Variants in RFTN1 observed in about 807,000 individuals in gnomAD.
RFTN1 encodes raftlin, lipid raft linker 1, also known as raftlin.
RFTN1 carries 26 observed loss-of-function variants against 46.5 expected under a neutral mutation model. The observed-to-expected ratio is 0.56, with a 90% CI of 0.41 to 0.78. RFTN1 has a LOEUF of 0.78. RFTN1 is among the 30% of genes least tolerant of loss of function. The pLI, the probability that RFTN1 is intolerant of heterozygous loss-of-function variation, is 0.00. For missense variants in RFTN1, 693 were observed against 718.7 expected (o/e 0.96, Z 0.41); for synonymous variants, 261 against 284.2 (o/e 0.92, Z 0.82).
At position 16,409,229 on chromosome 3, in the gene RFTN1, T is replaced by TTCCCTGTGGGGCTGCC. The variant is rs2074931272; in HGVS notation, c.441+130_441+145dup. On this transcript the variant is annotated intron_variant, in intron 4 of 9. Transcript: ENST00000334133. The stretch of plus-strand genomic sequence containing the variant: ...CAGAGTCAGCTCTGGAGGGGGCTGC[T>TTCCCTGTGGGGCTGCC]TCCCTGTGGGGCTGCCAAAGGTTTA... The TTCCCTGTGGGGCTGCC allele has an allele frequency of 5.1e-5, 29 of 566,902 alleles. 1 individual carries two copies. The South Asian group carries it at 6.1e-4, about 12-fold the overall frequency. The allele number at this position is 566,902 out of a possible 1,614,324, so 35.1% of individuals were successfully genotyped here. A position where few individuals can be genotyped will look rare whatever the true frequency, so the allele number is the denominator to read the frequency against.
At chr3:16,508,845 A>C (rs2125015361) in intron 1 of RFTN1, among the ~76,000 whole-genome samples, 2 of 151,844 alleles carry the variant, frequency 1.3e-5, no homozygotes, top group East Asian at 3.9e-4. Context: ...AAAAAAAAAC[A>C]CCACAGAGCA....
At position 16,442,569 on chromosome 3, in the gene RFTN1, G is replaced by C. The variant is rs1375970922; in HGVS notation, c.146-8532C>G. 6.6e-6 allele frequency among the ~76,000 whole-genome samples: 1 copy of C among 152,054 alleles called. No individual in the cohort carries two copies. Among genetic ancestry groups the C allele is most frequent in the African/African-American group, 2.4e-5 (1 of 41,390 alleles). On this transcript the variant is annotated intron_variant, in intron 2 of 9. Coordinates refer to ENST00000334133, the MANE Select transcript of RFTN1 (RefSeq NM_015150.2). This position sits in a 1 kb window ranked among gnomAD's most constrained non-coding sequence, Gnocchi z 4.1. Reference sequence around the variant, plus strand: ...ACATAACCATCATCTCACATAGTTAGTTTTCTTTTTTGTGCGTGGTAAGAG... The same window carrying C: ...ACATAACCATCATCTCACATAGTTACTTTTCTTTTTTGTGCGTGGTAAGAG...
rs543730258 is a variant in RFTN1 at position 16,333,546 on chromosome 3, A to G, written c.1147-6670T>C. 6.4e-4 allele frequency among the ~76,000 whole-genome samples: 98 copies of G among 152,318 alleles called. 4 individuals are homozygous for G. In the South Asian group the frequency reaches 0.014, roughly 22 times the overall value. ...GAAAAGAAATAGATGCCTGTGTCCA[A>G]TCCCCCTCATTTAATAAAATGTTAT... is the stretch of plus-strand genomic sequence containing the variant. On this transcript the variant is annotated intron_variant, in intron 7 of 9. Transcript: ENST00000334133.
intron 7 of RFTN1, 90 bp downstream of exon 7, chr3:16,357,841 GC>G: frequency 1.2e-6 from 1 of 801,238 alleles, no homozygotes; most frequent in South Asian, 1.6e-5. Flanking sequence ...GAAAGCCACA[GC>G]TGAGCCACAG....
In RFTN1 at chr3:16,370,344, C is replaced by A. The variant is rs950232099; in HGVS notation, c.827-65G>T. ...AACTGATGATAAAAATCTGTTTCATCGGCTTAAGTGGAATCTCTCAGGAGC... is the reference window on the plus strand; with the variant it reads ...AACTGATGATAAAAATCTGTTTCATAGGCTTAAGTGGAATCTCTCAGGAGC... On this transcript the variant is annotated intron_variant, in intron 5 of 9. Coordinates refer to ENST00000334133, the MANE Select transcript of RFTN1 (RefSeq NM_015150.2). This position sits in a 1 kb window ranked among gnomAD's most constrained non-coding sequence, Gnocchi z 5.5. 1.4e-5 allele frequency: 20 copies of A among 1,478,772 alleles called. No homozygotes were observed. In the East Asian group the frequency reaches 4.5e-4, roughly 34 times the overall value. The allele number at this position is 1,478,772 out of a possible 1,614,324, so 91.6% of individuals were successfully genotyped here.
In RFTN1 at chr3:16,334,530, C is replaced by T. The variant is rs1436610944; in HGVS notation, c.1147-7654G>A. On this transcript the variant is annotated intron_variant, in intron 7 of 9. Coordinates refer to ENST00000334133, the MANE Select transcript of RFTN1 (RefSeq NM_015150.2). This position sits in a 1 kb window ranked among gnomAD's most constrained non-coding sequence, Gnocchi z 4.3. ...CCATCAGTGCTGGATTTGTATTTAA[C>T]ATTATGTTTCACCCAGACAACAGCT... Among the ~76,000 whole-genome samples the T allele has an allele frequency of 4.6e-5, 7 of 152,164 alleles. No homozygotes were observed. The highest frequency in any genetic ancestry group is 2.9e-5 in the Non-Finnish European group (2 of 68,024).
At chr3:16,423,793 T>C (rs952697795) in intron 3 of RFTN1, among the ~76,000 whole-genome samples, 1 of 152,192 alleles carries the variant, frequency 6.6e-6, no homozygotes, top group Non-Finnish European at 1.5e-5. Flanking sequence ...ACTTAAACTA[T>C]AGCAATATAT....
At chr3:16,377,650 T>C (rs1437811535) in intron 5 of RFTN1, 68 bp downstream of exon 5, 5 of 1,516,012 alleles carry the variant, frequency 3.3e-6, no homozygotes, top group African/African-American at 2.8e-5. Flanking sequence ...TGAGATACCA[T>C]GGGGATTAAT....
At chr3:16,441,299 T>TAAAAAAAAAAAAAAAAAAAAAAAA (rs59877269) in intron 2 of RFTN1, among the ~76,000 whole-genome samples, 1 of 47,540 alleles carries the variant, frequency 2.1e-5, no homozygotes, top group Non-Finnish European at 4.9e-5. Flanking sequence ...TTCCAAGAAC[T>TAAAAAAAAAAAAAAAAAAAAAAAA]AAAAAAAAAA....
intron 1 of RFTN1, among the ~76,000 whole-genome samples, chr3:16,503,091 A>G (rs2076740077): frequency 6.6e-6 from 1 of 151,666 alleles, no homozygotes; most frequent in Non-Finnish European, 1.5e-5. Flanking sequence ...GCTTACCCCC[A>G]CTCCTCCAAC....
At chr3:16,462,375 C>T (rs955976101) in intron 2 of RFTN1, among the ~76,000 whole-genome samples, 1 of 152,202 alleles carries the variant, frequency 6.6e-6, no homozygotes, top group Non-Finnish European at 1.5e-5. Context: ...TCCCTAGAAC[C>T]TGTGAATAGT....
chr3:16,375,138 A>ACCCT (rs1553572224), intron 5 of RFTN1, among the ~76,000 whole-genome samples: 1 of 151,694 alleles, frequency 6.6e-6, no homozygotes, highest in African/African-American at 2.4e-5. Context: ...AAAACACTTC[A>ACCCT]CCCTCCCTTA....
At chr3:16,395,371 C>T (rs1406691364) in intron 4 of RFTN1, among the ~76,000 whole-genome samples, 5 of 152,042 alleles carry the variant, frequency 3.3e-5, no homozygotes, top group African/African-American at 1.2e-4. Flanking sequence ...CTAAAATATG[C>T]TGTCCAAGAT....
rs943371558 is a variant in RFTN1, at chr3:16,447,911, G to A, written c.146-13874C>T. ...ACGCATGAGGATCTGATAGGCATTT[G>A]TGTGCTTATAAGGAATCTTTAGATT... is the stretch of plus-strand genomic sequence containing the variant. On this transcript the variant is annotated intron_variant, in intron 2 of 9. Transcript: ENST00000334133. This position sits in a 1 kb window ranked among gnomAD's most constrained non-coding sequence, Gnocchi z 5.9. Among the ~76,000 whole-genome samples the A allele has an allele frequency of 6.6e-6, 1 of 152,142 alleles. No individual in the cohort carries two copies. The highest frequency in any genetic ancestry group is 2.4e-5 in the African/African-American group (1 of 41,428).
chr3:16,349,863 C>CCCAGCAGGCTGGATATT (rs760874236), intron 7 of RFTN1: 1 of 152,328 alleles, frequency 6.6e-6, no homozygotes, highest in East Asian at 1.9e-4. Context: ...TGCAGGGTAG[C>CCCAGCAGGCTGGATATT]CCAGCAGGCT....
At chr3:16,502,796 G>A (rs958493264) in intron 1 of RFTN1, among the ~76,000 whole-genome samples, 6 of 152,298 alleles carry the variant, frequency 3.9e-5, no homozygotes, top group Admixed American at 2.0e-4. Context: ...GAGACCCTAA[G>A]TCAGAAGCAC....
chr3:16,454,562 G>C (rs1369127522), intron 2 of RFTN1, among the ~76,000 whole-genome samples: 1 of 152,234 alleles, frequency 6.6e-6, no homozygotes, highest in Non-Finnish European at 1.5e-5. Flanking sequence ...CTGGGAAACA[G>C]TTCCCAATCA....
At chr3:16,343,146 T>G (rs2071420678) in intron 7 of RFTN1, among the ~76,000 whole-genome samples, 1 of 152,132 alleles carries the variant, frequency 6.6e-6, no homozygotes. Flanking sequence ...AGCCAGAATG[T>G]GAATTTTTAA....
chr3:16,316,515 C>A lies in RFTN1; in HGVS notation c.*313G>T. ...GGAGGCCCTGTGGCGAGGACAGGCA[C>A]TGGATGGTCCAGACCCTCTGGCTGG... On this transcript the variant is annotated 3_prime_UTR_variant, in exon 10 of 10. Coordinates refer to ENST00000334133, the MANE Select transcript of RFTN1 (RefSeq NM_015150.2). This position sits in a 1 kb window ranked among gnomAD's most constrained non-coding sequence, Gnocchi z 4.5. 2.5e-6 allele frequency: 1 copy of A among 393,306 alleles called. No individual in the cohort carries two copies. 24.4% of individuals were successfully genotyped at this position (393,306 alleles called of 1,614,324 possible). A position where few individuals can be genotyped will look rare whatever the true frequency, so the allele number is the denominator to read the frequency against.
Sources: gnomAD v4.1 joint callset for allele counts (sites outside exome capture counted in the v4.1 genomes callset) on GRCh38, gnomAD v4.1.1 for gene constraint, Gnocchi (gnomAD v3.1) non-coding constraint, MANE v1.5 for transcripts, NCBI Gene and HGNC (gene_info 2026-07-23, HGNC 2026-07-21) for gene names.